LIMA1: variants seen among roughly 807,000 people sequenced by gnomAD.
The protein encoded by LIMA1 is LIM domain and actin-binding protein 1.
LIMA1 carries 52 observed loss-of-function variants against 62.6 expected under a neutral mutation model. That is an observed-to-expected ratio of 0.83 (90% confidence interval 0.67 to 1.05). The LOEUF is 1.05. Among genes scored for constraint, LIMA1 ranks in the 50% least tolerant of loss-of-function variants. The pLI, the probability that LIMA1 is intolerant of heterozygous loss-of-function variation, is 0.00. For missense variants in LIMA1, 780 were observed against 902.2 expected (o/e 0.86, Z 1.74); for synonymous variants, 302 against 317.8 (o/e 0.95, Z 0.53).
intron 1 of LIMA1, among the ~76,000 whole-genome samples, chr12:50,263,938 A>T (rs1942109140): frequency 6.8e-6 from 1 of 147,874 alleles, no homozygotes; most frequent in South Asian, 2.1e-4. Context: ...AAATGAAAAC[A>T]CATGTCCACA....
At chr12:50,278,082 C>G (rs1942295652) in intron 1 of LIMA1, among the ~76,000 whole-genome samples, 1 of 150,776 alleles carries the variant, frequency 6.6e-6, no homozygotes, top group African/African-American at 2.4e-5. Context: ...TTGAGGTCAG[C>G]CTGATCAACA....
At chr12:50,237,953 A>G (rs1007518956) in intron 2 of LIMA1, among the ~76,000 whole-genome samples, 11 of 152,262 alleles carry the variant, frequency 7.2e-5, no homozygotes, top group Admixed American at 4.6e-4. Flanking sequence ...AGACCTAACT[A>G]TAAGAGCTGA....
intron 8 of LIMA1, among the ~76,000 whole-genome samples, chr12:50,193,582 C>CATAT (rs1565833273): frequency 2.0e-5 from 2 of 98,292 alleles, no homozygotes; most frequent in African/African-American, 8.5e-5. Flanking sequence ...TATATATATA[C>CATAT]ATGTATATAT....
intron 1 of LIMA1, among the ~76,000 whole-genome samples, chr12:50,260,777 A>C (rs1942056152): frequency 6.6e-6 from 1 of 151,938 alleles, no homozygotes; most frequent in Admixed American, 6.6e-5. Flanking sequence ...TAGCTAGTCA[A>C]AAATTCTATA....
rs930235691 is a variant in LIMA1, at chr12:50,270,064, G to A, written c.-24+13356C>T. ...AGCCTGACCAACGTGGAGAAACCCC[G>A]TCTCTACTAAAAATACAAAATTAGC... On this transcript the variant is annotated intron_variant, in intron 1 of 10. Coordinates refer to ENST00000341247, the MANE Select transcript of LIMA1 (RefSeq NM_016357.5). 5.4e-5 allele frequency among the ~76,000 whole-genome samples: 8 copies of A among 148,670 alleles called. No homozygotes were observed. The South Asian group carries it at 1.3e-3, about 24-fold the overall frequency.
intron 2 of LIMA1, chr12:50,234,109 G>C (rs1476076560): frequency 1.9e-5 from 9 of 465,940 alleles, no homozygotes; most frequent in Non-Finnish European, 3.5e-5. Context: ...AAAAATTAAA[G>C]TTCTTTTCAA....
At chr12:50,226,212 A>T (rs1483120903) in intron 3 of LIMA1, among the ~76,000 whole-genome samples, 1 of 151,714 alleles carries the variant, frequency 6.6e-6, no homozygotes, top group African/African-American at 2.4e-5. Flanking sequence ...ACGCCCAGCT[A>T]AATTTTTAAA....
chr12:50,255,558 A>AAAAAG (rs1433632396), intron 1 of LIMA1, among the ~76,000 whole-genome samples: 26 of 151,242 alleles, frequency 1.7e-4, no homozygotes, highest in Middle Eastern at 6.8e-3. Flanking sequence ...TCAAAAAAAA[A>AAAAAG]AAAAGAAAAG....
chr12:50,273,658 CT>C (rs1375727706), intron 1 of LIMA1, among the ~76,000 whole-genome samples: 10 of 151,978 alleles, frequency 6.6e-5, no homozygotes, highest in African/African-American at 2.2e-4. Flanking sequence ...AATAAGAAAC[CT>C]TTTGTTTAAA....
chr12:50,211,413 C>T (rs1941254278), intron 4 of LIMA1, among the ~76,000 whole-genome samples: 1 of 146,988 alleles, frequency 6.8e-6, no homozygotes, highest in Non-Finnish European at 1.5e-5. Context: ...GAGGCAGAGG[C>T]AGGAGGGTTG....
chr12:50,222,560 G>A (rs1289210829), intron 3 of LIMA1, 75 bp from the exon 4 acceptor site: 2 of 1,602,098 alleles, frequency 1.2e-6, no homozygotes, highest in African/African-American at 1.3e-5. Context: ...TTTGTAAAAT[G>A]AAAGTTAAAA....
intron 2 of LIMA1, among the ~76,000 whole-genome samples, chr12:50,234,832 A>G (rs1024351087): frequency 9.2e-5 from 14 of 152,198 alleles, no homozygotes; most frequent in African/African-American, 3.4e-4. Flanking sequence ...TGCGCAACAC[A>G]GTAAAACCCT....
intron 1 of LIMA1, among the ~76,000 whole-genome samples, chr12:50,259,766 T>C (rs1031475394): frequency 6.6e-6 from 1 of 152,156 alleles, no homozygotes; most frequent in Non-Finnish European, 1.5e-5. Flanking sequence ...ATCTAGACAA[T>C]AGCACAATTG....
chr12:50,266,533 G>A (rs1049077447), intron 1 of LIMA1, among the ~76,000 whole-genome samples: 2 of 152,136 alleles, frequency 1.3e-5, no homozygotes, highest in African/African-American at 2.4e-5. Context: ...GGCCCCTGTG[G>A]ATGATCATGT....
rs537066952 is a variant in LIMA1, at chr12:50,203,127, A to G, written c.864+1425T>C. Among the ~76,000 whole-genome samples the G allele has an allele frequency of 2.0e-5, 3 of 149,792 alleles. No homozygotes were observed. The South Asian group carries it at 6.3e-4, about 31-fold the overall frequency. ...TAGGTTCAAGTGATTCTCCTGCCTCAGCCTCCCTAGTAGCTGGGATTACAG... is the reference window on the plus strand; with the variant it reads ...TAGGTTCAAGTGATTCTCCTGCCTCGGCCTCCCTAGTAGCTGGGATTACAG... On this transcript the variant is annotated intron_variant, in intron 6 of 10. Coordinates refer to ENST00000341247, the MANE Select transcript of LIMA1 (RefSeq NM_016357.5).
At position 50,222,325 on chromosome 12, in the gene LIMA1, GTCACTTCA is replaced by G; in HGVS notation, c.318_325del (p.Glu107LysfsTer10). 6.2e-7 allele frequency: 1 copy of G among 1,614,138 alleles called. No homozygotes were observed. Among genetic ancestry groups the G allele is most frequent in the Non-Finnish European group, 8.5e-7 (1 of 1,180,026 alleles). ...TTTGGCTCCAGAAGCAGCGTGGCTT[GTCACTTCA>G]GCAGGAGGATGGTCTGCTCTGTGCC... On this transcript the variant is annotated frameshift_variant, in exon 4 of 11. Transcript: ENST00000341247. LOFTEE classifies it high-confidence loss of function.
At chr12:50,197,908 C>G (rs527799939) in intron 7 of LIMA1, among the ~76,000 whole-genome samples, 1 of 151,644 alleles carries the variant, frequency 6.6e-6, no homozygotes, top group Admixed American at 6.6e-5. Flanking sequence ...GAAAACAAGA[C>G]AGTTTAACAA....
At chr12:50,185,278 G>A (rs1474013178) in intron 9 of LIMA1, 3 of 437,186 alleles carry the variant, frequency 6.9e-6, no homozygotes, top group Non-Finnish European at 1.4e-5. Flanking sequence ...AGGACGCAGA[G>A]CACTCCTCCA....
intron 2 of LIMA1, among the ~76,000 whole-genome samples, chr12:50,231,987 C>T (rs1391569762): frequency 2.0e-5 from 3 of 149,856 alleles, no homozygotes; most frequent in African/African-American, 7.4e-5. Flanking sequence ...AGGCTGGTCT[C>T]GAACTCCTGA....
Sources: allele counts gnomAD v4.1 joint callset (sites outside exome capture counted in the v4.1 genomes callset), GRCh38; gene constraint gnomAD v4.1.1; transcripts MANE v1.5; gene names NCBI Gene and HGNC (gene_info 2026-07-23, HGNC 2026-07-21).